RALYL: variants seen among roughly 807,000 people sequenced by gnomAD.
RALYL encodes the protein RALY RNA binding protein like.
Under a neutral mutation model 35.1 loss-of-function variants are expected in RALYL, and 29 were observed. The observed-to-expected ratio is 0.83, with a 90% CI of 0.61 to 1.13. The LOEUF (loss-of-function observed/expected upper bound fraction) is 1.13. Ranked by LOEUF, RALYL falls within the 50% of genes most tolerant of loss-of-function variation. The pLI is 0.00. For missense variants in RALYL, 359 were observed against 360.4 expected (o/e 1.00, Z 0.03); for synonymous variants, 120 against 127.6 (o/e 0.94, Z 0.40).
intron 2 of RALYL, among the ~76,000 whole-genome samples, chr8:84,604,793 T>C (rs1004683040): frequency 7.9e-5 from 12 of 152,120 alleles, no homozygotes; most frequent in African/African-American, 2.9e-4. Flanking sequence ...TTCCTGTTCT[T>C]TTTTAGAAGA....
chr8:84,431,357 G>A (rs1463394633), intron 1 of RALYL, among the ~76,000 whole-genome samples: 1 of 151,960 alleles, frequency 6.6e-6, no homozygotes, highest in East Asian at 1.9e-4. Flanking sequence ...ACAAAGTTAG[G>A]ATTTTTTTTT....
chr8:84,419,403 C>G (rs951951719), intron 1 of RALYL, among the ~76,000 whole-genome samples: 4 of 152,110 alleles, frequency 2.6e-5, no homozygotes, highest in Admixed American at 2.6e-4. Context: ...AACTCACTGC[C>G]TTTCCAACAT....
intron 1 of RALYL, among the ~76,000 whole-genome samples, chr8:84,310,362 A>G (rs1842541808): frequency 6.6e-6 from 1 of 152,088 alleles, no homozygotes; most frequent in African/African-American, 2.4e-5. Context: ...AAAGAAAAAA[A>G]AAATTGGCTA....
chr8:84,757,865 C>G (rs1342673327), intron 2 of RALYL, among the ~76,000 whole-genome samples: 1 of 152,046 alleles, frequency 6.6e-6, no homozygotes, highest in Non-Finnish European at 1.5e-5. Flanking sequence ...GAGAATATTT[C>G]TATATGGCAA....
At chr8:84,464,142 G>GT (rs71271994) in intron 1 of RALYL, among the ~76,000 whole-genome samples, 49,604 of 142,758 alleles carry the variant, frequency 0.35, 8,459 homozygotes, top group South Asian at 0.5. Flanking sequence ...TTTTTTTTTT[G>GT]TTTTTTTTTT....
chr8:84,525,953 C>CTTTTTTTTTTTTTTTTTTT (rs35794329), intron 1 of RALYL, among the ~76,000 whole-genome samples: 37 of 104,846 alleles, frequency 3.5e-4, no homozygotes, highest in African/African-American at 1.3e-3. Context: ...TTTCTTTTTT[C>CTTTTTTTTTTTTTTTTTTT]TTTTTTTTTT....
intron 6 of RALYL, among the ~76,000 whole-genome samples, chr8:84,863,801 C>G (rs1586835833): frequency 6.6e-6 from 1 of 152,258 alleles, no homozygotes; most frequent in Admixed American, 6.5e-5. Flanking sequence ...CAATAGCACA[C>G]TAAATAGATT....
intron 1 of RALYL, among the ~76,000 whole-genome samples, chr8:84,313,820 A>G (rs139754617): frequency 2.0e-3 from 305 of 152,146 alleles, no homozygotes; most frequent in Middle Eastern, 0.01. Flanking sequence ...TCATTTTTCT[A>G]TCTTCTTCTG....
chr8:84,541,012 C>T (rs1243943833), intron 2 of RALYL, among the ~76,000 whole-genome samples: 3 of 151,460 alleles, frequency 2.0e-5, no homozygotes, highest in Admixed American at 6.6e-5. Context: ...TTTCCCTTAC[C>T]TCTTTCATTT....
At chr8:84,238,771 C>A (rs1052503931) in intron 1 of RALYL, among the ~76,000 whole-genome samples, 3 of 152,116 alleles carry the variant, frequency 2.0e-5, no homozygotes, top group African/African-American at 7.2e-5. Context: ...GGAGTCAGCA[C>A]ATCCATGTGG....
chr8:84,380,772 G>T (rs750059170), intron 1 of RALYL, among the ~76,000 whole-genome samples: 1 of 151,768 alleles, frequency 6.6e-6, no homozygotes, highest in South Asian at 2.1e-4. Flanking sequence ...TTTAAGCACC[G>T]AAAGGATTTA....
At chr8:84,870,577 GTATATA>G (rs36230993) in intron 6 of RALYL, among the ~76,000 whole-genome samples, 68,769 of 148,526 alleles carry the variant, frequency 0.46, 18,649 homozygotes, top group African/African-American at 0.75. Flanking sequence ...TATCTGTAAT[GTATATA>G]TATATATATA....
At chr8:84,606,598 T>C (rs1046275125) in intron 2 of RALYL, among the ~76,000 whole-genome samples, 7 of 152,146 alleles carry the variant, frequency 4.6e-5, no homozygotes, top group Admixed American at 3.3e-4. Context: ...ATATTTTAAG[T>C]TTTTCTCTAA....
At position 84,595,456 on chromosome 8, in the gene RALYL, G is replaced by A. The variant is rs183239648; in HGVS notation, c.256+65879G>A. Among the ~76,000 whole-genome samples the A allele has an allele frequency of 2.0e-5, 3 of 152,238 alleles. No homozygotes were observed. In the East Asian group the frequency reaches 5.8e-4, roughly 29 times the overall value. ...ATGTACAATGAGTCTACTTGTTAGA[G>A]TATCTACAGTGTAGGTTTGGAGTCC... On this transcript the variant is annotated intron_variant, in intron 2 of 8. Coordinates refer to ENST00000521268, the MANE Select transcript of RALYL (RefSeq NM_173848.7).
intron 4 of RALYL, among the ~76,000 whole-genome samples, chr8:84,844,121 A>T (rs1034159256): frequency 9.2e-5 from 14 of 152,288 alleles, no homozygotes; most frequent in South Asian, 8.3e-4. Flanking sequence ...GACAAATGGG[A>T]TCTAATTAAA....
intron 1 of RALYL, among the ~76,000 whole-genome samples, chr8:84,324,881 C>T (rs1006940587): frequency 6.6e-6 from 1 of 152,046 alleles, no homozygotes; most frequent in Non-Finnish European, 1.5e-5. Flanking sequence ...TAATAATGTG[C>T]TTTCATCAGG....
At chr8:84,506,885 G>C (rs983413278) in intron 1 of RALYL, among the ~76,000 whole-genome samples, 1 of 151,868 alleles carries the variant, frequency 6.6e-6, no homozygotes, top group Non-Finnish European at 1.5e-5. Flanking sequence ...TCTTCTGAAG[G>C]TAACAAAGGT....
At chr8:84,334,581 G>T (rs369494834) in intron 1 of RALYL, among the ~76,000 whole-genome samples, 5 of 151,546 alleles carry the variant, frequency 3.3e-5, no homozygotes, top group African/African-American at 9.7e-5. Context: ...AATATTATGT[G>T]TAATTAAACT....
chr8:84,433,665 G>A (rs878981411), intron 1 of RALYL, among the ~76,000 whole-genome samples: 1 of 151,990 alleles, frequency 6.6e-6, no homozygotes, highest in East Asian at 1.9e-4. Flanking sequence ...CACCATGTAA[G>A]AAGTGGCTTT....
Sources: allele counts gnomAD v4.1 joint callset (sites outside exome capture counted in the v4.1 genomes callset), GRCh38; gene constraint gnomAD v4.1.1; transcripts MANE v1.5; gene names NCBI Gene and HGNC (gene_info 2026-07-23, HGNC 2026-07-21).